Variants in REXO2 observed in about 807,000 individuals in gnomAD.
REXO2 encodes the protein RNA exonuclease 2, also known as oligoribonuclease, mitochondrial.
In REXO2, 17 loss-of-function variants were observed where a neutral mutation model predicts 30.9. The observed-to-expected ratio is 0.55, with a 90% CI of 0.38 to 0.82. REXO2 has a LOEUF of 0.82. REXO2 is among the 40% of genes least tolerant of loss of function. The probability of loss-of-function intolerance (pLI) is 0.00; values close to 1 mark genes in which losing one functional copy is unlikely to be tolerated. For synonymous variants in REXO2, 105 were observed against 99.6 expected (o/e 1.05, Z -0.32); for missense variants, 253 against 293.2 (o/e 0.86, Z 1.00).
chr11:114,446,394 C>T (rs764469798), intron 5 of REXO2: 1 of 205,824 alleles, frequency 4.9e-6, no homozygotes, highest in Non-Finnish European at 9.7e-6. Flanking sequence ...ATGAAAAGCT[C>T]TTAAGTACTT....
At chr11:114,446,248 G>T in intron 5 of REXO2, 161 bp downstream of exon 5, 1 of 432,890 alleles carries the variant, frequency 2.3e-6, no homozygotes, top group East Asian at 3.5e-5. Context: ...ACTTACCCTG[G>T]ACTGGTGAGA....
chr11:114,443,997 C>T (rs1378878443), intron 3 of REXO2, 64 bp downstream of exon 3: 4 of 1,098,156 alleles, frequency 3.6e-6, no homozygotes, highest in African/African-American at 1.5e-5. Flanking sequence ...TGCTCCCACA[C>T]CTGAATCCGA....
chr11:114,444,377 A>G, intron 3 of REXO2, 164 bp from the exon 4 acceptor site: 1 of 655,338 alleles, frequency 1.5e-6, no homozygotes, highest in Non-Finnish European at 2.7e-6. Context: ...TTGAAGAAAA[A>G]AAAATGGTGC....
In REXO2 at chr11:114,444,522, TG is replaced by T; in HGVS notation, c.310-15del. ...TTTACATGTGTTTTTGGTGGGGGGC[TG>T]GGGATTCTCTCTTGCAGTCTGGCCT... On this transcript the variant is annotated intron_variant, in intron 3 of 6. Coordinates refer to ENST00000265881, the MANE Select transcript of REXO2 (RefSeq NM_015523.4). 1.3e-6 allele frequency: 2 copies of T among 1,563,874 alleles called. No homozygotes were observed. The highest frequency in any genetic ancestry group is 1.8e-6 in the Non-Finnish European group (2 of 1,140,182).
intron 3 of REXO2, 158 bp from the exon 4 acceptor site, chr11:114,444,383 G>A: frequency 1.5e-6 from 1 of 652,208 alleles, no homozygotes. Flanking sequence ...AAAAAAAAAT[G>A]GTGCAAAGAT....
chr11:114,449,748 C>G, intron 6 of REXO2, 98 bp from the exon 7 acceptor site: 1 of 1,184,482 alleles, frequency 8.4e-7, no homozygotes, highest in South Asian at 1.4e-5. Flanking sequence ...ACAGTAACAT[C>G]CATTGTTCTT....
chr11:114,447,024 C>T (rs1946514003), intron 5 of REXO2, among the ~76,000 whole-genome samples: 1 of 151,110 alleles, frequency 6.6e-6, no homozygotes, highest in African/African-American at 2.4e-5. Flanking sequence ...CTGCAAGCTC[C>T]GCCTTCCGGA....
At chr11:114,441,704 G>T (rs1324796568) in intron 2 of REXO2, 2 of 702,006 alleles carry the variant, frequency 2.8e-6, no homozygotes, top group Non-Finnish European at 5.2e-6. Flanking sequence ...GATACATTTC[G>T]TAAATCTGCA....
chr11:114,440,016 T>C, intron 1 of REXO2: 1 of 482,168 alleles, frequency 2.1e-6, no homozygotes. Context: ...TGTTCCCAGC[T>C]TCCCCCAACT....
intron 5 of REXO2, among the ~76,000 whole-genome samples, chr11:114,447,009 G>A (rs1172592947): frequency 7.4e-6 from 1 of 135,032 alleles, no homozygotes; most frequent in African/African-American, 2.8e-5. Flanking sequence ...CGCGATCTCC[G>A]CTCACTGCAA....
intron 2 of REXO2, among the ~76,000 whole-genome samples, chr11:114,443,040 T>A (rs1330589639): frequency 6.6e-6 from 1 of 152,280 alleles, no homozygotes; most frequent in Non-Finnish European, 1.5e-5. Context: ...GTGTTTTTTT[T>A]AAAACAAGTG....
In REXO2 at chr11:114,450,135, T is replaced by A; in HGVS notation, c.*160T>A. 7 of 623,040 alleles carry A rather than the reference T, an allele frequency of 1.1e-5. No individual in the cohort carries two copies. In the South Asian group the frequency reaches 1.5e-4, roughly 13 times the overall value. 38.6% of individuals were successfully genotyped at this position (623,040 alleles called of 1,614,324 possible). On this transcript the variant is annotated 3_prime_UTR_variant, in exon 7 of 7. Transcript: ENST00000265881. ...ACGAAATACTATTTTTCTCCTAATA[T>A]GCTGTTTCCATTATGACACAGCAGC...
chr11:114,447,867 C>T lies in REXO2; in HGVS notation c.572C>T (p.Ala191Val). 6.2e-7 allele frequency: 1 copy of T among 1,613,708 alleles called. No homozygotes were observed. The highest frequency in any genetic ancestry group is 1.1e-5 in the South Asian group (1 of 91,032). Residue 191 changes from alanine (A) to valine (V), a missense_variant, in exon 6 of 7, where the codon GCT becomes GTT. Coordinates refer to ENST00000265881, the MANE Select transcript of REXO2 (RefSeq NM_015523.4). ...GAATATGAATTTGCACCAAAGAAGG[C>T]TGCTTCTCATAGGTAAGTTTGAGTT... ...PEEYEFAPKK[A>V]ASHRALDDIS...
chr11:114,440,551 G>C (rs1946469623), intron 1 of REXO2, 105 bp from the exon 2 acceptor site: 1 of 829,954 alleles, frequency 1.2e-6, no homozygotes, highest in African/African-American at 1.7e-5. Flanking sequence ...TTCGGCTATG[G>C]ATTACAAGCT....
intron 1 of REXO2, among the ~76,000 whole-genome samples, chr11:114,440,341 A>G (rs1269020515): frequency 1.3e-5 from 2 of 152,238 alleles, no homozygotes; most frequent in East Asian, 1.9e-4. Flanking sequence ...TAAACTCTGC[A>G]GAGACGTGGT....
intron 5 of REXO2, among the ~76,000 whole-genome samples, chr11:114,446,977 C>T (rs1235029375): frequency 4.0e-5 from 5 of 124,412 alleles, no homozygotes; most frequent in East Asian, 2.6e-4. Context: ...CTCGTTCTGT[C>T]GCCCAGGCGG....
chr11:114,444,849 A>G (rs1946502549), intron 4 of REXO2, among the ~76,000 whole-genome samples, 197 bp downstream of exon 4: 1 of 152,202 alleles, frequency 6.6e-6, no homozygotes, highest in African/African-American at 2.4e-5. Context: ...GAAACCTGAC[A>G]TGAGATCTGG....
chr11:114,447,776 A>G, intron 5 of REXO2, 50 bp from the exon 6 acceptor site: 1 of 1,457,082 alleles, frequency 6.9e-7, no homozygotes, highest in African/African-American at 1.4e-5. Flanking sequence ...GTAATTGTTC[A>G]GTATATTTGA....
At chr11:114,439,991 CG>C (rs1411891959) in intron 1 of REXO2, 12 of 491,734 alleles carry the variant, frequency 2.4e-5, no homozygotes, top group African/African-American at 2.2e-4. Context: ...GGAGTGGGGG[CG>C]GGGGCAGCGG....
Sources: allele counts gnomAD v4.1 joint callset (sites outside exome capture counted in the v4.1 genomes callset), GRCh38; gene constraint gnomAD v4.1.1; transcripts MANE v1.5; gene names NCBI Gene and HGNC (gene_info 2026-07-23, HGNC 2026-07-21).